PRDM16: variants seen among roughly 807,000 people sequenced by gnomAD.
The protein encoded by PRDM16 is PR/SET domain 16, also known as histone-lysine N-methyltransferase PRDM16.
Under a neutral mutation model 110.6 loss-of-function variants are expected in PRDM16, and 23 were observed. The ratio of observed to expected loss-of-function variants is 0.21; its 90% confidence interval spans 0.15 to 0.29. The LOEUF is 0.29. Among genes scored for constraint, PRDM16 ranks in the 10% least tolerant of loss-of-function variants. PRDM16 has a pLI of 1.00. For missense variants in PRDM16, 1,615 were observed against 1,794.3 expected (o/e 0.90, Z 1.81); for synonymous variants, 799 against 781.8 (o/e 1.02, Z -0.37).
intron 3 of PRDM16, among the ~76,000 whole-genome samples, chr1:3,318,532 TTATC>T (rs1641665419): frequency 2.0e-5 from 3 of 152,252 alleles, no homozygotes; most frequent in Admixed American, 6.5e-5. Flanking sequence ...TATCAATTGA[TTATC>T]CATCTATCAA....
chr1:3,322,321 G>A (rs140330391), intron 3 of PRDM16, among the ~76,000 whole-genome samples: 2 of 152,256 alleles, frequency 1.3e-5, no homozygotes, highest in African/African-American at 4.8e-5. Context: ...CGGAATAAAC[G>A]GGCTGTTGAT....
intron 1 of PRDM16, among the ~76,000 whole-genome samples, chr1:3,095,522 G>C (rs1281945293): frequency 6.6e-6 from 1 of 152,176 alleles, no homozygotes; most frequent in Admixed American, 6.5e-5. Context: ...AGCACTGCGT[G>C]GTGCCTCATG....
chr1:3,418,805 C>T, intron 12 of PRDM16, 61 bp downstream of exon 12: 1 of 1,271,492 alleles, frequency 7.9e-7, no homozygotes, highest in Non-Finnish European at 1.2e-6. Flanking sequence ...ACCGCTGACC[C>T]ACTCCTAGGA....
rs1400727244 is a variant in PRDM16 at position 3,165,596 on chromosome 1, G to GACAGTGACTCACCTGGGCTCAGGC, written c.38-20525_38-20524insTGACTCACCTGGGCTCAGGCACAG. Among the ~76,000 whole-genome samples, 19 of 123,076 alleles carry GACAGTGACTCACCTGGGCTCAGGC rather than the reference G, an allele frequency of 1.5e-4. 1 individual carries two copies. The highest frequency in any genetic ancestry group is 2.7e-4 in the Non-Finnish European group (16 of 60,324). The allele number at this position is 123,076 out of a possible 152,430, so 80.7% of individuals were successfully genotyped here. On this transcript the variant is annotated intron_variant, in intron 1 of 16. Transcript: ENST00000270722. ...GGACAGGGACTCACCTGGGCCCAGG[G>GACAGTGACTCACCTGGGCTCAGGC]ACAGGGACTCACCTGGGCTCAGGGA...
At chr1:3,381,565 A>C (rs1357718895) in intron 3 of PRDM16, among the ~76,000 whole-genome samples, 1 of 151,944 alleles carries the variant, frequency 6.6e-6, no homozygotes, top group Non-Finnish European at 1.5e-5. Context: ...TAACTTTTGT[A>C]TTTTTAGTAG....
At position 3,412,771 on chromosome 1, in the gene PRDM16, C is replaced by A; in HGVS notation, c.2574C>A (p.Pro858=). The part of the protein sequence containing the change: ...PQQPPLHYAK[P]SPFFMDPIYS... ...AGCCCCCGCTCCACTACGCCAAGCC[C>A]TCGCCCTTCTTCATGGACCCCATCT... The change falls in exon 9 of 17, where the codon CCC becomes CCA. Residue 858 remains proline (P), a synonymous_variant. Transcript: ENST00000270722. The A allele has an allele frequency of 6.7e-7, 1 of 1,486,380 alleles. No homozygotes were observed. The allele number at this position is 1,486,380 out of a possible 1,614,324, so 92.1% of individuals were successfully genotyped here. A position where few individuals can be genotyped will look rare whatever the true frequency, so the allele number is the denominator to read the frequency against.
chr1:3,211,262 CTGTCTTGGTCACAGCGTAGCCAA>C (rs1440712540), intron 2 of PRDM16, among the ~76,000 whole-genome samples: 1 of 152,222 alleles, frequency 6.6e-6, no homozygotes, highest in Non-Finnish European at 1.5e-5. Context: ...CTTCCCTAAG[CTGTCTTGGTCACAGCGTAGCCAA>C]TGCCGATTTT....
At chr1:3,267,638 T>C (rs993092556) in intron 3 of PRDM16, among the ~76,000 whole-genome samples, 1 of 152,232 alleles carries the variant, frequency 6.6e-6, no homozygotes, top group Non-Finnish European at 1.5e-5. Context: ...GACTCAGAGC[T>C]GCTCAGAAAC....
intron 3 of PRDM16, among the ~76,000 whole-genome samples, chr1:3,343,617 T>C (rs1031439505): frequency 6.6e-6 from 1 of 152,092 alleles, no homozygotes; most frequent in Admixed American, 6.5e-5. Flanking sequence ...TCCTTTGGTT[T>C]CAGCTTTTGG....
intron 1 of PRDM16, among the ~76,000 whole-genome samples, chr1:3,132,595 C>T (rs1005315025): frequency 2.0e-5 from 3 of 152,218 alleles, no homozygotes; most frequent in African/African-American, 4.8e-5. Flanking sequence ...TCCTCCTTAC[C>T]GAGGGGTCTC....
intron 2 of PRDM16, among the ~76,000 whole-genome samples, chr1:3,198,247 G>T (rs755945857): frequency 9.8e-5 from 15 of 152,334 alleles, no homozygotes; most frequent in African/African-American, 3.1e-4. Flanking sequence ...CCAGGTCGGC[G>T]CAGGGCAGCG....
At chr1:3,315,162 T>C (rs1453639996) in intron 3 of PRDM16, among the ~76,000 whole-genome samples, 2 of 150,324 alleles carry the variant, frequency 1.3e-5, no homozygotes, top group African/African-American at 5.0e-5. Context: ...TCACTCCGTG[T>C]CTCCCCCTGC....
At chr1:3,309,646 C>T (rs770440876) in intron 3 of PRDM16, 1 of 152,320 alleles carries the variant, frequency 6.6e-6, no homozygotes, top group Non-Finnish European at 1.5e-5. Context: ...GCTGAGCTGT[C>T]CTTGTCCTGG....
chr1:3,211,456 G>A (rs1466079912), intron 2 of PRDM16, among the ~76,000 whole-genome samples: 4 of 152,354 alleles, frequency 2.6e-5, no homozygotes, highest in South Asian at 2.1e-4. Context: ...AGATGCGGCC[G>A]TGGGTGGACT....
chr1:3,423,795 C>T (rs534361235), intron 12 of PRDM16, among the ~76,000 whole-genome samples: 4 of 152,358 alleles, frequency 2.6e-5, no homozygotes, highest in South Asian at 2.1e-4. Flanking sequence ...CAGGCCCCCC[C>T]GGCCAGGATC....
rs545922774 is a variant in PRDM16 at position 3,151,407 on chromosome 1, G to A, written c.38-34718G>A. ...CGCTGCAAGGCGAGGGACAGGGAAAGTGGCTGTGGGGTCCACCTTGCCCAG... is the reference window on the plus strand; with the variant it reads ...CGCTGCAAGGCGAGGGACAGGGAAAATGGCTGTGGGGTCCACCTTGCCCAG... On this transcript the variant is annotated intron_variant, in intron 1 of 16. Coordinates refer to ENST00000270722, the MANE Select transcript of PRDM16 (RefSeq NM_022114.4). Among the ~76,000 whole-genome samples, 431 of 152,368 alleles carry A rather than the reference G, an allele frequency of 2.8e-3. 3 individuals are homozygous for A. Among genetic ancestry groups the A allele is most frequent in the Non-Finnish European group, 4.8e-3 (327 of 68,034 alleles).
chr1:3,344,647 C>G (rs140574462), intron 3 of PRDM16, among the ~76,000 whole-genome samples: 4 of 152,282 alleles, frequency 2.6e-5, no homozygotes, highest in African/African-American at 9.6e-5. Context: ...ACTCTGGATT[C>G]TGTTGTATTC....
chr1:3,420,865 G>A (rs1638406645), intron 12 of PRDM16, among the ~76,000 whole-genome samples: 1 of 152,206 alleles, frequency 6.6e-6, no homozygotes, highest in South Asian at 2.1e-4. Context: ...GCCGGCCCGG[G>A]GGTCTCTCTG....
rs1237398843 is a variant in PRDM16, at chr1:3,359,408, C to G, written c.439-25744C>G. ...GCCTGAGGCAGAGCTTCCAGAGACCCTGCACATGGAACACATTGGAAGCCC... is the reference window on the plus strand; with the variant it reads ...GCCTGAGGCAGAGCTTCCAGAGACCGTGCACATGGAACACATTGGAAGCCC... On this transcript the variant is annotated intron_variant, in intron 3 of 16. Transcript: ENST00000270722. The surrounding 1 kb of genome is among the most constrained non-coding windows in gnomAD (Gnocchi z 4.3). Among the ~76,000 whole-genome samples the G allele has an allele frequency of 6.6e-6, 1 of 152,176 alleles. No individual in the cohort carries two copies. Among genetic ancestry groups the G allele is most frequent in the Non-Finnish European group, 1.5e-5 (1 of 68,040 alleles).
Sources: allele counts gnomAD v4.1 joint callset (sites outside exome capture counted in the v4.1 genomes callset), GRCh38; gene constraint gnomAD v4.1.1; non-coding constraint Gnocchi (gnomAD v3.1); transcripts MANE v1.5; gene names NCBI Gene and HGNC (gene_info 2026-07-23, HGNC 2026-07-21).